ULK2: variants seen among roughly 807,000 people sequenced by gnomAD.
ULK2 encodes serine/threonine-protein kinase ULK2.
A neutral mutation model predicts 127.5 loss-of-function variants in ULK2; 76 were observed. The ratio of observed to expected loss-of-function variants is 0.60; its 90% CI spans 0.50 to 0.72. ULK2 has a LOEUF of 0.72. ULK2 is among the 30% of genes least tolerant of loss of function. ULK2 has a pLI of 0.00. For synonymous variants in ULK2, 452 were observed against 461.9 expected, an observed-to-expected ratio of 0.98 and a Z score of 0.28; for missense variants, 1,144 against 1,295.9, an observed-to-expected ratio of 0.88 and a Z score of 1.80.
At chr17:19,858,146 T>C (rs1379679674) in intron 3 of ULK2, among the ~76,000 whole-genome samples, 1 of 152,114 alleles carries the variant, frequency 6.6e-6, no homozygotes, top group Non-Finnish European at 1.5e-5. Flanking sequence ...ACGCCTGTAA[T>C]CCCAGCACTT....
chr17:19,826,221 G>A (rs749850585), intron 10 of ULK2, 35 bp from the exon 11 acceptor site: 2 of 1,297,326 alleles, frequency 1.5e-6, no homozygotes, highest in Non-Finnish European at 2.1e-6. Flanking sequence ...CCTTTAAAGA[G>A]ACATTGACTA....
intron 3 of ULK2, among the ~76,000 whole-genome samples, chr17:19,854,472 G>C (rs1240608696): frequency 6.6e-6 from 1 of 152,046 alleles, no homozygotes; most frequent in Non-Finnish European, 1.5e-5. Context: ...ATCTGACCCT[G>C]ATTTGCTGTA....
In ULK2 at chr17:19,801,878, A is replaced by G; in HGVS notation, c.1340T>C (p.Leu447Pro). The G allele has an allele frequency of 6.2e-7, 1 of 1,614,018 alleles. No individual in the cohort carries two copies. The highest frequency in any genetic ancestry group is 8.5e-7 in the Non-Finnish European group (1 of 1,179,986). The change falls in exon 16 of 27, where the codon CTC (leucine) becomes CCC (proline). Residue 447 changes from leucine (L) to proline (P), a missense_variant. Physicochemically the swap from Leu to Pro is moderately conservative, Grantham distance 98 (BLOSUM62 -3). Transcript: ENST00000395544. Reference sequence around the variant, plus strand: ...TACTGGGGAGCATGATCCCGGCCGGAGGAAGCCCATGGGGCTGGTGTTGGA... The same window carrying G: ...TACTGGGGAGCATGATCCCGGCCGGGGGAAGCCCATGGGGCTGGTGTTGGA... ...RRSNTSPMGF[L>P]RPGSCSPVPA...
rs2041996792 is a variant in ULK2, at chr17:19,850,800, C to T, written c.226-1026G>A. On this transcript the variant is annotated intron_variant, in intron 3 of 26. Coordinates refer to ENST00000395544, the MANE Select transcript of ULK2 (RefSeq NM_014683.4). The stretch of plus-strand genomic sequence containing the variant: ...AGATCATCGAGATCATGCCATTGCA[C>T]TCCAGCCTGCAAGAGAGCCAGACTC... Among the ~76,000 whole-genome samples, 3 of 151,972 alleles carry T rather than the reference C, an allele frequency of 2.0e-5. No individual in the cohort carries two copies. In the South Asian group the frequency reaches 6.2e-4, roughly 32 times the overall value.
chr17:19,828,119 G>A (rs1377115293), intron 10 of ULK2, among the ~76,000 whole-genome samples: 1 of 151,678 alleles, frequency 6.6e-6, no homozygotes, highest in Non-Finnish European at 1.5e-5. Context: ...TATCTAAAGT[G>A]CTGAAAGAAA....
intron 9 of ULK2, among the ~76,000 whole-genome samples, chr17:19,839,563 G>A (rs1299882717): frequency 6.6e-6 from 1 of 151,308 alleles, no homozygotes; most frequent in African/African-American, 2.4e-5. Context: ...CTGAGAGGCT[G>A]AGGCAGGAGA....
chr17:19,816,280 A>C (rs1455025124), intron 13 of ULK2, among the ~76,000 whole-genome samples: 1 of 152,226 alleles, frequency 6.6e-6, no homozygotes, highest in Non-Finnish European at 1.5e-5. Context: ...ATTCCAAAGT[A>C]CACTGGCTCT....
chr17:19,802,598 G>A (rs555317360), intron 15 of ULK2, among the ~76,000 whole-genome samples: 1 of 152,182 alleles, frequency 6.6e-6, no homozygotes, highest in Non-Finnish European at 1.5e-5. Flanking sequence ...TATTTTGAGT[G>A]AAGAATATGA....
intron 22 of ULK2, among the ~76,000 whole-genome samples, chr17:19,783,336 A>G (rs1433625730): frequency 1.3e-5 from 2 of 152,028 alleles, no homozygotes; most frequent in Non-Finnish European, 2.9e-5. Flanking sequence ...CTGTAATCCC[A>G]GCTACTCGTG....
chr17:19,861,634 G>A (rs896641427), intron 3 of ULK2, among the ~76,000 whole-genome samples: 9 of 152,292 alleles, frequency 5.9e-5, no homozygotes, highest in Non-Finnish European at 1.0e-4. Context: ...TCCAAGATTG[G>A]GAAACTAAAG....
chr17:19,797,141 A>G (rs556337024), intron 18 of ULK2, among the ~76,000 whole-genome samples: 1 of 151,954 alleles, frequency 6.6e-6, no homozygotes, highest in African/African-American at 2.4e-5. Context: ...TAAAAATACA[A>G]AAAAAATTAG....
Position 19,773,723 on chromosome 17 carries a change from G to C in ULK2, c.*2626C>G, listed in dbSNP as rs968362685. ...CAGGATGGCTGCACAGAGTACTCCT[G>C]GCAGGCAGAAGGGGGCGTGGGGACC... On this transcript the variant is annotated 3_prime_UTR_variant, in exon 27 of 27. Transcript: ENST00000395544. 1 of 152,228 alleles carries C rather than the reference G, an allele frequency of 6.6e-6. No individual in the cohort carries two copies. The allele number at this position is 152,228 out of a possible 1,614,324, so 9.4% of individuals were successfully genotyped here.
At position 19,781,015 on chromosome 17, in the gene ULK2, T is replaced by C; in HGVS notation, c.2729A>G (p.Lys910Arg). ...HLAKAQIKSG[K>R]LSPSTAVKQV... ...TTTCACAGCTGTGGATGGGCTCAGT[T>C]TCCCGGACTTGATCTGGGCTTTGGC... is the stretch of plus-strand genomic sequence containing the variant. The change falls in exon 24 of 27, where the codon AAA (lysine) becomes AGA (arginine). Residue 910 changes from lysine (K) to arginine (R), a missense_variant. Lys to Arg is a conservative substitution (Grantham distance 26, BLOSUM62 2). Transcript: ENST00000395544. The C allele has an allele frequency of 6.2e-7, 1 of 1,614,048 alleles. No individual in the cohort carries two copies. The highest frequency in any genetic ancestry group is 2.2e-5 in the East Asian group (1 of 44,874).
At chr17:19,856,771 G>A (rs1229489176) in intron 3 of ULK2, among the ~76,000 whole-genome samples, 2 of 151,108 alleles carry the variant, frequency 1.3e-5, no homozygotes, top group Admixed American at 6.6e-5. Flanking sequence ...AGGAGATCGA[G>A]ACCATCCTGG....
intron 10 of ULK2, among the ~76,000 whole-genome samples, chr17:19,833,273 C>T (rs758558577): frequency 1.4e-4 from 22 of 152,008 alleles, no homozygotes; most frequent in Non-Finnish European, 2.6e-4. Flanking sequence ...GAAGTATGGC[C>T]CATACACAGG....
chr17:19,829,549 G>GGC (rs1555561144), intron 10 of ULK2, among the ~76,000 whole-genome samples: 1 of 12,486 alleles, frequency 8.0e-5, no homozygotes, highest in African/African-American at 2.6e-4. Context: ...AAAAAAAAAA[G>GGC]GGGGGGGGCT....
intron 10 of ULK2, 112 bp downstream of exon 10, chr17:19,838,385 TAAAC>T (rs1331264827): frequency 8.9e-6 from 8 of 899,244 alleles, no homozygotes; most frequent in African/African-American, 5.1e-5. Context: ...GTGAAGGAAA[TAAAC>T]AAAAAGAAAA....
intron 3 of ULK2, among the ~76,000 whole-genome samples, chr17:19,852,250 A>G (rs751869542): frequency 7.2e-5 from 11 of 151,880 alleles, no homozygotes; most frequent in Middle Eastern, 6.8e-3. Flanking sequence ...CACTGGGCGC[A>G]GTGGCTCACG....
chr17:19,803,773 G>A (rs182259591), intron 15 of ULK2, among the ~76,000 whole-genome samples: 11 of 152,194 alleles, frequency 7.2e-5, no homozygotes, highest in Non-Finnish European at 8.8e-5. Context: ...CTTTGGTATC[G>A]TAACAGTTAA....
Sources: gnomAD v4.1 joint callset for allele counts (sites outside exome capture counted in the v4.1 genomes callset) on GRCh38, gnomAD v4.1.1 for gene constraint, MANE v1.5 for transcripts, NCBI Gene and HGNC (gene_info 2026-07-23, HGNC 2026-07-21) for gene names.